Variants in PARP14 observed in about 807,000 individuals in gnomAD.
PARP14 encodes the protein protein mono-ADP-ribosyltransferase PARP14.
In PARP14, 59 loss-of-function variants were observed where a neutral mutation model predicts 154.2. The ratio of observed to expected loss-of-function variants is 0.38; its 90% confidence interval spans 0.31 to 0.48. PARP14 has a LOEUF of 0.48. Among genes scored for constraint, PARP14 ranks in the 20% least tolerant of loss-of-function variants. The pLI, the probability that PARP14 is intolerant of heterozygous loss-of-function variation, is 0.98. For missense variants in PARP14, 1,734 were observed against 2,131.6 expected (o/e 0.81, Z 3.67); for synonymous variants, 720 against 780.5 (o/e 0.92, Z 1.29).
chr3:122,703,756 C>T lies in PARP14; in HGVS notation c.3096C>T (p.Val1032=). The T allele has an allele frequency of 6.3e-7, 1 of 1,592,608 alleles. No homozygotes were observed. The highest frequency in any genetic ancestry group is 1.8e-5 in the Admixed American group (1 of 55,456). The change falls in exon 7 of 17, where the codon GTC becomes GTT. Residue 1032 remains valine (V), a synonymous_variant. Transcript: ENST00000474629. The part of the protein sequence containing the change: ...GVQNAKTDVV[V]NSVPLDLVLS... ...TTGTCTTTAAGACCGATGTTGTTGT[C>T]AACTCCGTTCCCTTGGATCTCGTGC...
At chr3:122,713,678 C>A in intron 10 of PARP14, 105 bp downstream of exon 10, 1 of 1,076,692 alleles carries the variant, frequency 9.3e-7, no homozygotes, top group Non-Finnish European at 1.4e-6. Context: ...TAATTAATAA[C>A]TTTTAAATTA....
intron 14 of PARP14, among the ~76,000 whole-genome samples, chr3:122,719,368 G>A (rs76191866): frequency 0.015 from 2,320 of 152,322 alleles, 64 homozygotes; most frequent in African/African-American, 0.051. Context: ...CCTGGTCAGA[G>A]GGTGTGCCCT....
intron 8 of PARP14, among the ~76,000 whole-genome samples, chr3:122,705,639 T>G: frequency 6.6e-6 from 1 of 152,322 alleles, no homozygotes; most frequent in Non-Finnish European, 1.5e-5. Context: ...GTAGATGACA[T>G]TCAGTGTTTG....
intron 10 of PARP14, 119 bp from the exon 11 acceptor site, chr3:122,713,753 A>G: frequency 1.1e-6 from 1 of 875,906 alleles, no homozygotes; most frequent in East Asian, 2.4e-5. Flanking sequence ...TGTCATCAGC[A>G]ATACCCAATT....
intron 12 of PARP14, among the ~76,000 whole-genome samples, chr3:122,716,606 G>A (rs1317563583): frequency 6.6e-6 from 1 of 152,130 alleles, no homozygotes; most frequent in African/African-American, 2.4e-5. Flanking sequence ...AAACCCAGCT[G>A]GTCCCTAGGT....
intron 2 of PARP14, among the ~76,000 whole-genome samples, chr3:122,686,528 A>C (rs1397873627): frequency 6.6e-6 from 1 of 151,322 alleles, no homozygotes; most frequent in Non-Finnish European, 1.5e-5. Flanking sequence ...GCACCACCAT[A>C]GCTCACTGTA....
rs1379393110 is a variant in PARP14, at chr3:122,703,908, A to G, written c.3248A>G (p.Asn1083Ser). ...ACAGTGCTCAAAACCAGCAGCTGGA[A>G]TCTGGACTGTCGCTATGTGCTTCAC... is the stretch of plus-strand genomic sequence containing the variant. ...MGTVLKTSSW[N>S]LDCRYVLHVV... Residue 1083 changes from asparagine (N) to serine (S), a missense_variant, in exon 7 of 17, where the codon AAT becomes AGT. Physicochemically the swap from Asn to Ser is conservative, Grantham distance 46. Transcript: ENST00000474629. 1 of 1,613,874 alleles carries G rather than the reference A, an allele frequency of 6.2e-7. No homozygotes were observed. The highest frequency in any genetic ancestry group is 8.5e-7 in the Non-Finnish European group (1 of 1,179,886).
At chr3:122,713,749 C>A in intron 10 of PARP14, 123 bp from the exon 11 acceptor site, 1 of 854,512 alleles carries the variant, frequency 1.2e-6, no homozygotes, top group Non-Finnish European at 1.9e-6. Context: ...TCTTTGTCAT[C>A]AGCAATACCC....
rs145372983 is a variant in PARP14, at chr3:122,717,638, G to T, written c.4001-433G>T. Among the ~76,000 whole-genome samples the T allele has an allele frequency of 2.3e-3, 345 of 152,324 alleles. 1 individual carries two copies. Among genetic ancestry groups the T allele is most frequent in the African/African-American group, 7.4e-3 (307 of 41,570 alleles). On this transcript the variant is annotated intron_variant, in intron 12 of 16. Coordinates refer to ENST00000474629, the MANE Select transcript of PARP14 (RefSeq NM_017554.3). ...ACATACATAAAATCAAGTGATGACT[G>T]ATCCTAAAAAAGATTTTCATCTTTA... is the stretch of plus-strand genomic sequence containing the variant.
At chr3:122,692,719 C>A (rs1576583520) in intron 4 of PARP14, among the ~76,000 whole-genome samples, 176 bp downstream of exon 4, 1 of 152,086 alleles carries the variant, frequency 6.6e-6, no homozygotes, top group Non-Finnish European at 1.5e-5. Flanking sequence ...ATATTGAAAC[C>A]AAATTCCATA....
intron 16 of PARP14, 42 bp downstream of exon 16, chr3:122,728,028 G>C: frequency 6.4e-7 from 1 of 1,556,976 alleles, no homozygotes; most frequent in Non-Finnish European, 8.8e-7. Flanking sequence ...TGAGGCATCA[G>C]CCATGAGAGC....
chr3:122,687,527 G>A lies in PARP14; in HGVS notation c.355+414G>A, dbSNP rs918595118. On this transcript the variant is annotated intron_variant, in intron 3 of 16. Coordinates refer to ENST00000474629, the MANE Select transcript of PARP14 (RefSeq NM_017554.3). ...CTGGGTGTGAGGGTGCTGTGCTCTGGAGCCAAAACAGGAAGTTGTGACTTC... is the reference window on the plus strand; with the variant it reads ...CTGGGTGTGAGGGTGCTGTGCTCTGAAGCCAAAACAGGAAGTTGTGACTTC... 3.3e-5 allele frequency among the ~76,000 whole-genome samples: 5 copies of A among 152,202 alleles called. No individual in the cohort carries two copies. The South Asian group carries it at 1.0e-3, about 32-fold the overall frequency.
At chr3:122,709,740 G>A (rs1282164244) in intron 9 of PARP14, among the ~76,000 whole-genome samples, 1 of 152,166 alleles carries the variant, frequency 6.6e-6, no homozygotes, top group East Asian at 1.9e-4. Context: ...ATTCTTGCAG[G>A]AGTAAGGAGG....
chr3:122,693,096 G>A (rs1161125598), intron 4 of PARP14, among the ~76,000 whole-genome samples: 1 of 152,136 alleles, frequency 6.6e-6, no homozygotes, highest in African/African-American at 2.4e-5. Flanking sequence ...AAACACAAAG[G>A]TGCGAATGCA....
At chr3:122,689,926 G>C (rs1938487322) in intron 3 of PARP14, among the ~76,000 whole-genome samples, 5 of 151,742 alleles carry the variant, frequency 3.3e-5, no homozygotes, top group Admixed American at 3.3e-4. Flanking sequence ...TCAAATCACT[G>C]TTTTCTAAAT....
rs1444073906 is a variant in PARP14, at chr3:122,701,700, A to T, written c.3081+65A>T. The T allele has an allele frequency of 8.6e-7, 1 of 1,163,894 alleles. No homozygotes were observed. Among genetic ancestry groups the T allele is most frequent in the African/African-American group, 1.6e-5 (1 of 64,354 alleles). The allele number at this position is 1,163,894 out of a possible 1,614,324, so 72.1% of individuals were successfully genotyped here. A position where few individuals can be genotyped will look rare whatever the true frequency, so the allele number is the denominator to read the frequency against. The stretch of plus-strand genomic sequence containing the variant: ...ACTTTACTTAGTCAGTGGCTCTCTC[A>T]TGGAGGGCTGAAGAAAGATAAGGAC... On this transcript the variant is annotated intron_variant, in intron 6 of 16. Transcript: ENST00000474629. The surrounding 1 kb of genome is among the most constrained non-coding windows in gnomAD (Gnocchi z 4.0).
intron 3 of PARP14, among the ~76,000 whole-genome samples, chr3:122,689,747 C>G (rs901762996): frequency 5.3e-5 from 8 of 152,164 alleles, no homozygotes; most frequent in African/African-American, 1.9e-4. Context: ...CCTGACCAGC[C>G]CTTTGCACTA....
chr3:122,694,537 T>C (rs949440605), intron 4 of PARP14, among the ~76,000 whole-genome samples: 3 of 152,076 alleles, frequency 2.0e-5, no homozygotes, highest in African/African-American at 4.8e-5. Context: ...TCAATACTTA[T>C]TATTATTATT....
In PARP14 at chr3:122,699,812, G is replaced by A; in HGVS notation, c.1258G>A (p.Asp420Asn). ...WDTIKNDVKD[D>N]RILIEFDTLK... The stretch of plus-strand genomic sequence containing the variant: ...CACCATAAAAAATGATGTGAAAGAT[G>A]ACAGGATTTTGATTGAGTTTGATAC... Residue 420 changes from aspartate to asparagine, a missense_variant, in exon 6 of 17, where the codon GAC (aspartate) becomes AAC (asparagine). Physicochemically the swap from Asp to Asn is conservative, Grantham distance 23 (BLOSUM62 1). Coordinates refer to ENST00000474629, the MANE Select transcript of PARP14 (RefSeq NM_017554.3). The A allele has an allele frequency of 1.2e-6, 2 of 1,613,988 alleles. No individual in the cohort carries two copies. The highest frequency in any genetic ancestry group is 1.7e-6 in the Non-Finnish European group (2 of 1,179,864).
Sources: gnomAD v4.1 joint callset for allele counts (sites outside exome capture counted in the v4.1 genomes callset) on GRCh38, gnomAD v4.1.1 for gene constraint, Gnocchi (gnomAD v3.1) non-coding constraint, MANE v1.5 for transcripts, NCBI Gene and HGNC (gene_info 2026-07-23, HGNC 2026-07-21) for gene names.